SCGB2B2: variants seen among roughly 807,000 people sequenced by gnomAD.
SCGB2B2 encodes the protein secretoglobin-like protein.
Under a neutral mutation model 7.6 loss-of-function variants are expected in SCGB2B2, and 11 were observed. The ratio of observed to expected loss-of-function variants is 1.45; its 90% CI spans 0.91 to 2.40. SCGB2B2 has a LOEUF of 2.40. Among genes scored for constraint, SCGB2B2 ranks in the 30% most tolerant of loss-of-function variants. The pLI is 0.00. For synonymous variants in SCGB2B2, 50 were observed against 48.6 expected, an observed-to-expected ratio of 1.03 and a Z score of -0.12; for missense variants, 104 against 115.4, an observed-to-expected ratio of 0.90 and a Z score of 0.45.
Position 34,593,538 on chromosome 19 carries a change from C to A in SCGB2B2, c.*17G>T, listed in dbSNP as rs1037140277. ...GAAGGCAGGAGGGCCAATATCTGAT[C>A]TGCAGGGGTCCTCAGATCAGAAGGC... On this transcript the variant is annotated 3_prime_UTR_variant, in exon 4 of 4. Coordinates refer to ENST00000601241, the MANE Select transcript of SCGB2B2 (RefSeq NM_001025591.4). 11 of 1,547,064 alleles carry A rather than the reference C, an allele frequency of 7.1e-6. No homozygotes were observed. The highest frequency in any genetic ancestry group is 9.6e-6 in the Non-Finnish European group (11 of 1,143,528).
chr19:34,610,823 T>C (rs1198425861), intron 1 of SCGB2B2, among the ~76,000 whole-genome samples: 4 of 151,324 alleles, frequency 2.6e-5, no homozygotes, highest in Non-Finnish European at 5.9e-5. Context: ...TATCAGGATA[T>C]ACTGGTTTTG....
chr19:34,586,825 C>T (rs919895505), downstream of SCGB2B2, among the ~76,000 whole-genome samples: 1 of 152,216 alleles, frequency 6.6e-6, no homozygotes, highest in Non-Finnish European at 1.5e-5. Context: ...TGAGCAGCCA[C>T]TGGTTCATTC....
chr19:34,664,635 T>C (rs2067559712), intron 1 of SCGB2B2, among the ~76,000 whole-genome samples: 2 of 152,172 alleles, frequency 1.3e-5, no homozygotes, highest in South Asian at 2.1e-4. Flanking sequence ...TTGTGTCCAG[T>C]TGTGCTGTGT....
In SCGB2B2 at chr19:34,591,304, G is replaced by A. The variant is rs1480031319; in HGVS notation, c.*2251C>T. Among the ~76,000 whole-genome samples, 1 of 152,186 alleles carries A rather than the reference G, an allele frequency of 6.6e-6. No individual in the cohort carries two copies. The highest frequency in any genetic ancestry group is 1.5e-5 in the Non-Finnish European group (1 of 68,036). ...CAGCCAGCTGCTCCAGCCCAAATGT[G>A]ATGAGATCATTTTGATTCCCCTTCT... On this transcript the variant is annotated 3_prime_UTR_variant, in exon 4 of 4. Transcript: ENST00000601241.
chr19:34,625,113 C>A (rs1267929491), intron 1 of SCGB2B2, among the ~76,000 whole-genome samples: 1 of 152,138 alleles, frequency 6.6e-6, no homozygotes, highest in Non-Finnish European at 1.5e-5. Flanking sequence ...TGCAGCAAAA[C>A]CCTTAATATT....
At chr19:34,666,202 A>G (rs1445669777) in intron 1 of SCGB2B2, among the ~76,000 whole-genome samples, 4 of 152,024 alleles carry the variant, frequency 2.6e-5, no homozygotes, top group Admixed American at 2.6e-4. Context: ...AGGCTTTCTC[A>G]ATGTCTCCCT....
In SCGB2B2 at chr19:34,676,056, C is replaced by T. The variant is rs11670385; in HGVS notation, c.-2458G>A. 45,338 of 152,032 alleles carry T rather than the reference C, an allele frequency of 0.3. 7,532 individuals are homozygous for T. The highest frequency in any genetic ancestry group is 0.37 in the Non-Finnish European group (25,016 of 67,988). 9.4% of individuals were successfully genotyped at this position (152,032 alleles called of 1,614,324 possible). On this transcript the variant is annotated 5_prime_UTR_variant, in exon 1 of 4. Transcript: ENST00000601241. ...CGGTTGCCGCTGGTTGTTCGGGTGG[C>T]CCGTTTTTATTCCCTTATTTGGCCC...
intron 1 of SCGB2B2, among the ~76,000 whole-genome samples, chr19:34,612,616 A>G (rs1321868942): frequency 6.6e-6 from 1 of 152,166 alleles, no homozygotes; most frequent in Non-Finnish European, 1.5e-5. Flanking sequence ...TTATGAAAGG[A>G]ATTTATATTT....
chr19:34,659,045 AT>A (rs2067372351), intron 1 of SCGB2B2, among the ~76,000 whole-genome samples: 1 of 152,190 alleles, frequency 6.6e-6, no homozygotes, highest in African/African-American at 2.4e-5. Context: ...AAACCACATG[AT>A]TATCTCAATG....
chr19:34,594,318 C>G lies in SCGB2B2; in HGVS notation c.103G>C (p.Val35Leu). The G allele has an allele frequency of 6.2e-7, 1 of 1,614,152 alleles. No individual in the cohort carries two copies. Among genetic ancestry groups the G allele is most frequent in the South Asian group, 1.1e-5 (1 of 91,084 alleles). Residue 35 changes from valine to leucine, a missense_variant, in exon 3 of 4, where the codon GTG becomes CTG. Transcript: ENST00000601241. ...LDIDKLLANV[V>L]FDVSQDLLKE... ...AGGAGGTCTTGGGACACATCAAACA[C>G]AACATTCGCAAGCAGTTTATCGATA...
At chr19:34,672,652 T>C (rs962027104) in intron 1 of SCGB2B2, among the ~76,000 whole-genome samples, 8 of 152,238 alleles carry the variant, frequency 5.3e-5, no homozygotes, top group South Asian at 2.1e-4. Context: ...CAAGGGCCGA[T>C]GTGTCTACCA....
chr19:34,668,147 T>C (rs2067688704), intron 1 of SCGB2B2, among the ~76,000 whole-genome samples: 1 of 152,166 alleles, frequency 6.6e-6, no homozygotes. Flanking sequence ...CTTTCTGGGC[T>C]GGCCAAGGCG....
intron 1 of SCGB2B2, among the ~76,000 whole-genome samples, chr19:34,610,054 C>CT (rs888340187): frequency 1.1e-4 from 17 of 151,550 alleles, no homozygotes; most frequent in South Asian, 2.1e-4. Flanking sequence ...TAAATTTATT[C>CT]TTTTTTTTGG....
At chr19:34,599,680 G>A (rs761786129) in intron 1 of SCGB2B2, among the ~76,000 whole-genome samples, 1 of 152,074 alleles carries the variant, frequency 6.6e-6, no homozygotes, top group African/African-American at 2.4e-5. Flanking sequence ...GTGGGGACAC[G>A]GAGCCAAACC....
At chr19:34,611,886 C>CACG (rs1333738066) in intron 1 of SCGB2B2, among the ~76,000 whole-genome samples, 1 of 151,898 alleles carries the variant, frequency 6.6e-6, no homozygotes, top group Non-Finnish European at 1.5e-5. Context: ...AACTCCTGAC[C>CACG]TCGTGATCCA....
At chr19:34,632,008 T>C (rs2066549053) in intron 1 of SCGB2B2, 1 of 152,160 alleles carries the variant, frequency 6.6e-6, no homozygotes, top group Admixed American at 6.5e-5. Context: ...GGCAACTCAC[T>C]GAAGATCGTG....
rs533415669 is a variant in SCGB2B2 at position 34,591,153 on chromosome 19, G to A, written c.*2402C>T. ...GAGCGTCTCACACCCCCTGTGTCCC[G>A]TCCTCCTGGATAGCTAATGGATGTC... On this transcript the variant is annotated 3_prime_UTR_variant, in exon 4 of 4. Coordinates refer to ENST00000601241, the MANE Select transcript of SCGB2B2 (RefSeq NM_001025591.4). Among the ~76,000 whole-genome samples the A allele has an allele frequency of 3.9e-5, 6 of 152,214 alleles. No individual in the cohort carries two copies. The highest frequency in any genetic ancestry group is 4.2e-4 in the South Asian group (2 of 4,808).
chr19:34,655,046 A>T (rs2067247474), intron 1 of SCGB2B2, among the ~76,000 whole-genome samples: 1 of 151,360 alleles, frequency 6.6e-6, no homozygotes, highest in African/African-American at 2.5e-5. Flanking sequence ...GCAGGAAGGA[A>T]ATGGCACACT....
downstream of SCGB2B2, among the ~76,000 whole-genome samples, chr19:34,589,923 C>G (rs1056532309): frequency 1.3e-5 from 2 of 152,132 alleles, no homozygotes; most frequent in African/African-American, 4.8e-5. Flanking sequence ...GTGGGGATGG[C>G]CTGGAGCCCA....
Sources: allele counts gnomAD v4.1 joint callset (sites outside exome capture counted in the v4.1 genomes callset), GRCh38; gene constraint gnomAD v4.1.1; transcripts MANE v1.5; gene names NCBI Gene and HGNC (gene_info 2026-07-23, HGNC 2026-07-21).